Variants in TTC21A observed in about 807,000 individuals in gnomAD.
The protein encoded by TTC21A is tetratricopeptide repeat domain 21A.
Under a neutral mutation model 156.4 loss-of-function variants are expected in TTC21A, and 128 were observed. The observed-to-expected ratio is 0.82, with a 90% CI of 0.71 to 0.95. The LOEUF is 0.95. Ranked by LOEUF, TTC21A falls within the 40% of genes least tolerant of loss-of-function variation. The pLI, the probability that TTC21A is intolerant of heterozygous loss-of-function variation, is 0.00. For synonymous variants in TTC21A, 587 were observed against 617.1 expected (o/e 0.95, Z 0.72); for missense variants, 1,435 against 1,602.3 (o/e 0.90, Z 1.78).
Position 39,125,217 on chromosome 3 carries a change from C to T in TTC21A, c.1191+57C>T, listed in dbSNP as rs576922467. The stretch of plus-strand genomic sequence containing the variant: ...AGGATGATGTCCTCTGCTGTCCTCC[C>T]ACCCCCACTTTCCAATAGAAAGCAT... On this transcript the variant is annotated intron_variant, in intron 10 of 28. Coordinates refer to ENST00000683103, the MANE Select transcript of TTC21A (RefSeq NM_001366900.1). The T allele has an allele frequency of 2.5e-5, 39 of 1,536,300 alleles. No individual in the cohort carries two copies. The African/African-American group carries it at 5.2e-4, about 20-fold the overall frequency.
Position 39,135,164 on chromosome 3 carries a change from G to A in TTC21A, c.2934G>A (p.Glu978=), listed in dbSNP as rs1217521930. The part of the protein sequence containing the change: ...AAINLYHQVL[E]KAPDNFLVLH... ...TCAATCTTTACCACCAAGTCTTGGAGAAAGCGCCAGGTAATTCTGCCCATG... is the reference window on the plus strand; with the variant it reads ...TCAATCTTTACCACCAAGTCTTGGAAAAAGCGCCAGGTAATTCTGCCCATG... Residue 978 remains glutamate, a synonymous_variant, in exon 22 of 29, where the codon GAG becomes GAA. Coordinates refer to ENST00000683103, the MANE Select transcript of TTC21A (RefSeq NM_001366900.1). 6.2e-7 allele frequency: 1 copy of A among 1,614,098 alleles called. No individual in the cohort carries two copies. Among genetic ancestry groups the A allele is most frequent in the South Asian group, 1.1e-5 (1 of 91,076 alleles).
intron 5 of TTC21A, among the ~76,000 whole-genome samples, chr3:39,114,341 G>A (rs2037092961): frequency 6.6e-6 from 1 of 152,124 alleles, no homozygotes; most frequent in Non-Finnish European, 1.5e-5. Context: ...CAAGCTTGAG[G>A]CTTAGCTATC....
At chr3:39,135,848 G>A (rs1188832621) in intron 22 of TTC21A, among the ~76,000 whole-genome samples, 3 of 152,088 alleles carry the variant, frequency 2.0e-5, no homozygotes, top group Non-Finnish European at 4.4e-5. Flanking sequence ...AAGGTCAGGG[G>A]ATCGAAACCA....
At chr3:39,127,457 G>A (rs1036424768) in intron 12 of TTC21A, among the ~76,000 whole-genome samples, 5 of 152,130 alleles carry the variant, frequency 3.3e-5, no homozygotes, top group South Asian at 2.1e-4. Flanking sequence ...CCTGGGTGCC[G>A]GCATCTGCCA....
rs2125877657 is a variant in TTC21A, at chr3:39,138,327, G to A, written c.3736G>A (p.Asp1246Asn). The A allele has an allele frequency of 4.3e-6, 7 of 1,614,148 alleles. No homozygotes were observed. The highest frequency in any genetic ancestry group is 5.9e-6 in the Non-Finnish European group (7 of 1,180,022). ...FIMEKEQSYK[D>N]AVTNYKLAWK... ...CATGGAGAAGGAGCAGTCCTACAAG[G>A]ATGCAGTCACCAACTACAAACTGGC... The change falls in exon 27 of 29, where the codon GAT becomes AAT. Residue 1246 changes from aspartate (D) to asparagine (N), a missense_variant. Asp to Asn is a conservative substitution (Grantham distance 23, BLOSUM62 1). Coordinates refer to ENST00000683103, the MANE Select transcript of TTC21A (RefSeq NM_001366900.1).
At position 39,120,996 on chromosome 3, in the gene TTC21A, G is replaced by A; in HGVS notation, c.901-1G>A. ...AATTCCCACCTTCCTGTTTCTTGCA[G>A]TGTGGGAGTCACCAGGTGATTCTAG... On this transcript the variant is annotated splice_acceptor_variant, in intron 8 of 28. Coordinates refer to ENST00000683103, the MANE Select transcript of TTC21A (RefSeq NM_001366900.1). LOFTEE classifies it high-confidence loss of function. 6.2e-7 allele frequency: 1 copy of A among 1,601,744 alleles called. No individual in the cohort carries two copies. Among genetic ancestry groups the A allele is most frequent in the Non-Finnish European group, 8.5e-7 (1 of 1,172,548 alleles).
chr3:39,124,860 C>T (rs1337764026), intron 9 of TTC21A, among the ~76,000 whole-genome samples: 1 of 152,018 alleles, frequency 6.6e-6, no homozygotes, highest in Non-Finnish European at 1.5e-5. Context: ...AGAACATGAG[C>T]TAGGGATGTT....
intron 3 of TTC21A, 186 bp downstream of exon 3, chr3:39,110,325 C>G: frequency 1.5e-6 from 1 of 656,822 alleles, no homozygotes; most frequent in Non-Finnish European, 2.8e-6. Flanking sequence ...AGACTCCATG[C>G]CTGGGCCCAA....
At chr3:39,131,689 G>C (rs2038739562) in intron 19 of TTC21A, 2 of 152,560 alleles carry the variant, frequency 1.3e-5, no homozygotes, top group African/African-American at 4.8e-5. Flanking sequence ...TCTCTAAAGA[G>C]TGCAGTGCAG....
intron 4 of TTC21A, among the ~76,000 whole-genome samples, chr3:39,111,758 G>T (rs1389238202): frequency 1.3e-5 from 2 of 152,194 alleles, no homozygotes; most frequent in South Asian, 4.1e-4. Flanking sequence ...GGGAGGGATT[G>T]ATTAGAAAAC....
In TTC21A at chr3:39,129,299, C is replaced by T. The variant is rs928922251; in HGVS notation, c.2124C>T (p.Ile708=). The stretch of plus-strand genomic sequence containing the variant: ...CCCTCAGAGACAGGCGCCTCTACAT[C>T]AGATGCTACCGGTAAGCCCCACAGG... ...LQTLRDRRLY[I]RCYRELCEHL... Residue 708 remains isoleucine (I), a synonymous_variant, in exon 15 of 29, where the codon ATC becomes ATT. Transcript: ENST00000683103. The T allele has an allele frequency of 3.1e-6, 5 of 1,613,334 alleles. 1 individual carries two copies. The Admixed American group carries it at 6.7e-5, about 21-fold the overall frequency.
In TTC21A at chr3:39,120,924, G is replaced by A. The variant is rs898988413; in HGVS notation, c.901-73G>A. 33 of 1,379,368 alleles carry A rather than the reference G, an allele frequency of 2.4e-5. 1 individual carries two copies. Among genetic ancestry groups the A allele is most frequent in the Middle Eastern group, 4.6e-4 (2 of 4,370 alleles). The allele number at this position is 1,379,368 out of a possible 1,614,324, so 85.4% of individuals were successfully genotyped here. A position where few individuals can be genotyped will look rare whatever the true frequency, so the allele number is the denominator to read the frequency against. ...AGCCCTGCCTACCAAAGTGTCCCCCGTTTCTGACATGACCTTGCTCATACA... is the reference window on the plus strand; with the variant it reads ...AGCCCTGCCTACCAAAGTGTCCCCCATTTCTGACATGACCTTGCTCATACA... On this transcript the variant is annotated intron_variant, in intron 8 of 28. Coordinates refer to ENST00000683103, the MANE Select transcript of TTC21A (RefSeq NM_001366900.1).
intron 5 of TTC21A, 82 bp from the exon 6 acceptor site, chr3:39,114,503 A>G: frequency 1.4e-6 from 2 of 1,388,338 alleles, no homozygotes; most frequent in Non-Finnish European, 2.0e-6. Context: ...GTTTTCATGG[A>G]GACACAGAGA....
At chr3:39,127,419 G>A (rs1253344893) in intron 12 of TTC21A, among the ~76,000 whole-genome samples, 1 of 152,184 alleles carries the variant, frequency 6.6e-6, no homozygotes, top group Non-Finnish European at 1.5e-5. Flanking sequence ...AGGTATCCTG[G>A]ATACAAGGCC....
At chr3:39,121,875 A>G (rs1219605676) in intron 9 of TTC21A, among the ~76,000 whole-genome samples, 1 of 152,080 alleles carries the variant, frequency 6.6e-6, no homozygotes, top group Non-Finnish European at 1.5e-5. Flanking sequence ...TCTCCTTTCT[A>G]AACTCCAGGC....
At chr3:39,108,007 C>T in intron 1 of TTC21A, 143 bp downstream of exon 1, 4 of 993,252 alleles carry the variant, frequency 4.0e-6, no homozygotes, top group Non-Finnish European at 5.9e-6. Flanking sequence ...CCCACTCCCC[C>T]TGGCAAGGGC....
At chr3:39,124,675 C>CAAAAAAAAAAAAAAAA (rs1553682427) in intron 9 of TTC21A, among the ~76,000 whole-genome samples, 1 of 60,542 alleles carries the variant, frequency 1.7e-5, no homozygotes, top group Admixed American at 2.1e-4. Flanking sequence ...AAAAAAAAAG[C>CAAAAAAAAAAAAAAAA]AGATTGTAGA....
rs937538979 is a variant in TTC21A at position 39,125,533 on chromosome 3, GT to G, written c.1392+3del. ...GTACTTGCTCTTCTGCCCCAAGCAG[GT>G]TAGGGGAAGGCCTGTCTTCATGGTG... On this transcript the variant is annotated splice_donor_variant, in intron 11 of 28. Coordinates refer to ENST00000683103, the MANE Select transcript of TTC21A (RefSeq NM_001366900.1). LOFTEE classifies it high-confidence loss of function. 1.2e-6 allele frequency: 2 copies of G among 1,606,888 alleles called. No homozygotes were observed. The highest frequency in any genetic ancestry group is 2.7e-5 in the African/African-American group (2 of 74,762).
At chr3:39,125,250 G>A in intron 10 of TTC21A, 82 bp from the exon 11 acceptor site, 1 of 1,537,576 alleles carries the variant, frequency 6.5e-7, no homozygotes, top group Non-Finnish European at 9.0e-7. Context: ...CATGCAAGGT[G>A]GTCTGGACCT....
Sources: gnomAD v4.1 joint callset for allele counts (sites outside exome capture counted in the v4.1 genomes callset) on GRCh38, gnomAD v4.1.1 for gene constraint, MANE v1.5 for transcripts, NCBI Gene and HGNC (gene_info 2026-07-23, HGNC 2026-07-21) for gene names.